CHAMP1: variants seen among roughly 807,000 people sequenced by gnomAD.
CHAMP1 encodes the protein chromosome alignment-maintaining phosphoprotein 1.
Under a neutral mutation model 54.5 loss-of-function variants are expected in CHAMP1, and 4 were observed. The observed-to-expected ratio is 0.07, with a 90% CI of 0.04 to 0.17. The LOEUF is 0.17. Ranked by LOEUF, CHAMP1 falls within the 10% of genes least tolerant of loss-of-function variation. The probability of loss-of-function intolerance (pLI) is 1.00; values close to 1 mark genes in which losing one functional copy is unlikely to be tolerated. For synonymous variants in CHAMP1, 368 were observed against 342.2 expected, an observed-to-expected ratio of 1.08 and a Z score of -0.83; for missense variants, 994 against 968.6, an observed-to-expected ratio of 1.03 and a Z score of -0.35.
chr13:114,322,782 A>G (rs1555379235), intron 2 of CHAMP1: 1 of 152,192 alleles, frequency 6.6e-6, no homozygotes, highest in African/African-American at 2.4e-5. Flanking sequence ...TTAATATCCC[A>G]TTTGTGTAAA....
intron 1 of CHAMP1, among the ~76,000 whole-genome samples, chr13:114,320,106 G>T (rs1345685651): frequency 6.6e-6 from 1 of 152,170 alleles, no homozygotes; most frequent in Admixed American, 6.5e-5. Flanking sequence ...TCAGATGTCA[G>T]AATTAAAGCA....
At chr13:114,321,648 C>T (rs1271182739) in intron 2 of CHAMP1, among the ~76,000 whole-genome samples, 4 of 152,128 alleles carry the variant, frequency 2.6e-5, no homozygotes, top group Non-Finnish European at 5.9e-5. Flanking sequence ...GAGACATATC[C>T]TACGTTTTCC....
At position 114,326,755 on chromosome 13, in the gene CHAMP1, T is replaced by C. The variant is rs2087256781; in HGVS notation, c.*474T>C. 6.0e-6 allele frequency: 1 copy of C among 167,166 alleles called. No homozygotes were observed. The highest frequency in any genetic ancestry group is 2.4e-5 in the African/African-American group (1 of 41,444). The allele number at this position is 167,166 out of a possible 1,614,324, so 10.4% of individuals were successfully genotyped here. ...AGTTATTTTCTATCTGATGTAAAAT[T>C]AGTTTATAAATCTTAATCAGCTTCT... On this transcript the variant is annotated 3_prime_UTR_variant, in exon 3 of 3. Coordinates refer to ENST00000361283, the MANE Select transcript of CHAMP1 (RefSeq NM_032436.4).
chr13:114,323,777 C>G lies in CHAMP1; in HGVS notation c.-55-11C>G. The G allele has an allele frequency of 6.6e-7, 1 of 1,509,980 alleles. No individual in the cohort carries two copies. Among genetic ancestry groups the G allele is most frequent in the South Asian group, 1.3e-5 (1 of 74,806 alleles). The allele number at this position is 1,509,980 out of a possible 1,614,324, so 93.5% of individuals were successfully genotyped here. On this transcript the variant is annotated splice_polypyrimidine_tract_variant and intron_variant, in intron 2 of 2. Coordinates refer to ENST00000361283, the MANE Select transcript of CHAMP1 (RefSeq NM_032436.4). ...AGTTCATGAAAATAATTTATTCCTA[C>G]TTTATTGCAGCAGTATTGAAAGTTT...
At position 114,326,210 on chromosome 13, in the gene CHAMP1, C is replaced by T; in HGVS notation, c.2368C>T (p.Arg790Trp). Residue 790 changes from arginine to tryptophan, a missense_variant, in exon 3 of 3, where the codon CGG (arginine) becomes TGG (tryptophan). Transcript: ENST00000361283. ...FKKHLTHCQS[R>W]HNEEANKKLM... is the part of the protein sequence containing the mutation. ...GAAACATTTAACTCATTGTCAAAGC[C>T]GGCATAATGAAGAGGCAAATAAAAA... 1.2e-6 allele frequency: 2 copies of T among 1,602,890 alleles called. No individual in the cohort carries two copies. The highest frequency in any genetic ancestry group is 1.3e-5 in the African/African-American group (1 of 74,344).
intron 2 of CHAMP1, chr13:114,323,471 C>T (rs2087198026): frequency 5.6e-6 from 1 of 179,994 alleles, no homozygotes; most frequent in Non-Finnish European, 1.1e-5. Context: ...ATTCTAGAGT[C>T]AGGCTCACAT....
Position 114,324,438 on chromosome 13 carries a change from T to C in CHAMP1, c.596T>C (p.Leu199Pro). Reference sequence around the variant, plus strand: ...GTCCCTGTTTGTGAGTCTCAGAAACTTGCCCCTGTTCCTTCTCCAGAACCA... The same window carrying C: ...GTCCCTGTTTGTGAGTCTCAGAAACCTGCCCCTGTTCCTTCTCCAGAACCA... Reference protein sequence around the residue: ...KSVPVCESQKLAPVPSPEPQK... With the variant: ...KSVPVCESQKPAPVPSPEPQK... Residue 199 changes from leucine to proline, a missense_variant, in exon 3 of 3, where the codon CTT becomes CCT. Leu to Pro is a moderately conservative substitution (Grantham distance 98, BLOSUM62 -3). Around this residue, in one of 3 missense-constraint regions of CHAMP1, gnomAD observed 851 missense variants for 701.3 expected, o/e 1.21. Coordinates refer to ENST00000361283, the MANE Select transcript of CHAMP1 (RefSeq NM_032436.4). 1.2e-6 allele frequency: 2 copies of C among 1,614,130 alleles called. No homozygotes were observed. Among genetic ancestry groups the C allele is most frequent in the Non-Finnish European group, 1.7e-6 (2 of 1,180,030 alleles).
Position 114,326,937 on chromosome 13 carries a change from A to T in CHAMP1, c.*656A>T, listed in dbSNP as rs782632435. 6.0e-6 allele frequency: 1 copy of T among 166,696 alleles called. No individual in the cohort carries two copies. The highest frequency in any genetic ancestry group is 1.5e-5 in the Non-Finnish European group (1 of 68,112). 10.3% of individuals were successfully genotyped at this position (166,696 alleles called of 1,614,324 possible). On this transcript the variant is annotated 3_prime_UTR_variant, in exon 3 of 3. Transcript: ENST00000361283. ...GTGTGATTTTAGATCTTTCTTGTCC[A>T]TAGTTGTTTTCAGTGGAGTCTTCCA...
rs2139420987 is a variant in CHAMP1 at position 114,325,251 on chromosome 13, A to G, written c.1409A>G (p.Lys470Arg). Residue 470 changes from lysine (K) to arginine (R), a missense_variant, in exon 3 of 3, where the codon AAA becomes AGA. Coordinates refer to ENST00000361283, the MANE Select transcript of CHAMP1 (RefSeq NM_032436.4). ...PASLDFPESQKSSRGGSPDLW... is the reference protein window; with the variant it reads ...PASLDFPESQRSSRGGSPDLW... ...TCACTTGATTTCCCTGAGTCCCAGAAAAGTTCCCGTGGTGGTTCTCCTGAT... is the reference window on the plus strand; with the variant it reads ...TCACTTGATTTCCCTGAGTCCCAGAGAAGTTCCCGTGGTGGTTCTCCTGAT... 2 of 1,614,062 alleles carry G rather than the reference A, an allele frequency of 1.2e-6. No homozygotes were observed. Among genetic ancestry groups the G allele is most frequent in the South Asian group, 2.2e-5 (2 of 91,076 alleles).
Position 114,326,531 on chromosome 13 carries a change from G to A in CHAMP1, c.*250G>A, listed in dbSNP as rs2087254145. The A allele has an allele frequency of 2.9e-6, 1 of 350,448 alleles. No homozygotes were observed. The highest frequency in any genetic ancestry group is 2.1e-5 in the African/African-American group (1 of 47,150). The allele number at this position is 350,448 out of a possible 1,614,324, so 21.7% of individuals were successfully genotyped here. Reference sequence around the variant, plus strand: ...TAAACTTCTCATTTCTTTTAAATATGTATGAATAATAATACAAGGAAGTAG... The same window carrying A: ...TAAACTTCTCATTTCTTTTAAATATATATGAATAATAATACAAGGAAGTAG... On this transcript the variant is annotated 3_prime_UTR_variant, in exon 3 of 3. Coordinates refer to ENST00000361283, the MANE Select transcript of CHAMP1 (RefSeq NM_032436.4).
intron 1 of CHAMP1, among the ~76,000 whole-genome samples, chr13:114,316,172 T>G (rs1432652732): frequency 6.6e-6 from 1 of 151,842 alleles, no homozygotes; most frequent in Non-Finnish European, 1.5e-5. Flanking sequence ...TTTGTTTTTG[T>G]TTTTTAATGA....
At chr13:114,318,817 A>G (rs1202542159) in intron 1 of CHAMP1, among the ~76,000 whole-genome samples, 1 of 71,132 alleles carries the variant, frequency 1.4e-5, no homozygotes, top group Non-Finnish European at 3.0e-5. Flanking sequence ...TTTGTAAATG[A>G]CTTTTTTTTT....
chr13:114,324,687 C>T lies in CHAMP1; in HGVS notation c.845C>T (p.Ser282Phe). The T allele has an allele frequency of 6.2e-7, 1 of 1,613,928 alleles. No individual in the cohort carries two copies. ...RTTSPEPRKP[S>F]PSESPEPWKP... ...ACCTCCCCTGAGCCAAGGAAGCCAT[C>T]CCCTTCAGAGTCTCCTGAACCTTGG... is the stretch of plus-strand genomic sequence containing the variant. The change falls in exon 3 of 3, where the codon TCC becomes TTC. Residue 282 changes from serine (S) to phenylalanine (F), a missense_variant. By Grantham distance (155) the Ser-to-Phe change is radical. Coordinates refer to ENST00000361283, the MANE Select transcript of CHAMP1 (RefSeq NM_032436.4).
chr13:114,321,471 G>A (rs1454903185), intron 2 of CHAMP1, among the ~76,000 whole-genome samples: 2 of 152,104 alleles, frequency 1.3e-5, no homozygotes, highest in Non-Finnish European at 2.9e-5. Context: ...GAAGAGGAGG[G>A]ATGGCTGGGA....
At chr13:114,323,733 G>C (rs1367066504) in intron 2 of CHAMP1, 55 bp from the exon 3 acceptor site, 8 of 1,363,942 alleles carry the variant, frequency 5.9e-6, no homozygotes, top group Non-Finnish European at 8.0e-6. Flanking sequence ...TGGACTGACA[G>C]CATTTTATTC....
chr13:114,317,038 G>A (rs977869093), intron 1 of CHAMP1, among the ~76,000 whole-genome samples: 1 of 152,018 alleles, frequency 6.6e-6, no homozygotes, highest in African/African-American at 2.4e-5. Context: ...TTGGGGGTGA[G>A]TATGGAGTCT....
chr13:114,318,664 A>T lies in CHAMP1; in HGVS notation c.-178-2446A>T, dbSNP rs547442666. 1.0e-3 allele frequency among the ~76,000 whole-genome samples: 153 copies of T among 151,848 alleles called. 3 individuals are homozygous for T. The highest frequency in any genetic ancestry group is 1.2e-3 in the Non-Finnish European group (84 of 67,966). ...AATTATGGAGTACTCCTACCTGACA[A>T]AGGAACTCGTTCTAGTTCATGATAG... On this transcript the variant is annotated intron_variant, in intron 1 of 2. Coordinates refer to ENST00000361283, the MANE Select transcript of CHAMP1 (RefSeq NM_032436.4).
At position 114,323,820 on chromosome 13, in the gene CHAMP1, G is replaced by C. The variant is rs1555379301; in HGVS notation, c.-23G>C. 6.4e-7 allele frequency: 1 copy of C among 1,570,264 alleles called. No homozygotes were observed. The highest frequency in any genetic ancestry group is 1.2e-5 in the South Asian group (1 of 84,612). ...GAAAGTTTTTAAAGAATATAACCGT[G>C]TGTGTTGGTAACAGACAGAAGAATG... On this transcript the variant is annotated 5_prime_UTR_variant, in exon 3 of 3. Transcript: ENST00000361283.
rs2087217378 is a variant in CHAMP1, at chr13:114,324,626, G to A, written c.784G>A (p.Ala262Thr). 3 of 1,613,940 alleles carry A rather than the reference G, an allele frequency of 1.9e-6. No individual in the cohort carries two copies. Among genetic ancestry groups the A allele is most frequent in the Non-Finnish European group, 2.5e-6 (3 of 1,180,024 alleles). The stretch of plus-strand genomic sequence containing the variant: ...CCCAGAACCTTGGGGACCATCCCCA[G>A]CTGCATCTCCAGAATCTCGGAAGTC... ...ASPEPWGPSP[A>T]ASPESRKSAR... Residue 262 changes from alanine (A) to threonine (T), a missense_variant, in exon 3 of 3, where the codon GCT (alanine) becomes ACT (threonine). Ala to Thr is a moderately conservative substitution (Grantham distance 58). Transcript: ENST00000361283.
Sources: gnomAD v4.1 joint callset for allele counts (sites outside exome capture counted in the v4.1 genomes callset) on GRCh38, gnomAD v4.1.1 for gene constraint, gnomAD v4.1.1 regional missense constraint, MANE v1.5 for transcripts, NCBI Gene and HGNC (gene_info 2026-07-23, HGNC 2026-07-21) for gene names.